SLC24A5: variants seen among roughly 807,000 people sequenced by gnomAD.
SLC24A5 encodes the protein solute carrier family 24 member 5.
In SLC24A5, 46 loss-of-function variants were observed where a neutral mutation model predicts 51.6. That is an observed-to-expected ratio of 0.89 (90% confidence interval 0.70 to 1.14). The LOEUF (loss-of-function observed/expected upper bound fraction) is 1.14, where lower values mean the gene tolerates loss of function less well. Among genes scored for constraint, SLC24A5 ranks in the 50% most tolerant of loss-of-function variants. The pLI is 0.00. For missense variants in SLC24A5, 581 were observed against 604.1 expected, an observed-to-expected ratio of 0.96 and a Z score of 0.40; for synonymous variants, 230 against 214.9, an observed-to-expected ratio of 1.07 and a Z score of -0.62.
chr15:48,134,499 CCTT>C lies in SLC24A5; in HGVS notation c.451_453del (p.Leu151del). On this transcript the variant is annotated inframe_deletion, in exon 4 of 9. Transcript: ENST00000341459. ...TCCTTGGATCTGCAATTTATAATCT[CCTT>C]GGCATCTGTGCTGCCTGTGGTTTGC... The C allele has an allele frequency of 6.2e-7, 1 of 1,613,494 alleles. No individual in the cohort carries two copies.
intron 2 of SLC24A5, chr15:48,122,544 A>C (rs1280977209): frequency 6.1e-6 from 1 of 164,312 alleles, no homozygotes; most frequent in East Asian, 1.7e-4. Flanking sequence ...TTTAAGAACC[A>C]ATAAACAGAT....
At chr15:48,126,988 C>A (rs560130125) in intron 2 of SLC24A5, among the ~76,000 whole-genome samples, 1 of 152,240 alleles carries the variant, frequency 6.6e-6, no homozygotes, top group South Asian at 2.1e-4. Flanking sequence ...AAGGACACAG[C>A]CGTCATATGC....
intron 2 of SLC24A5, among the ~76,000 whole-genome samples, chr15:48,125,108 A>T (rs1350418895): frequency 6.6e-6 from 1 of 152,126 alleles, no homozygotes; most frequent in East Asian, 1.9e-4. Flanking sequence ...CTTGATGAGC[A>T]TTGAGTCATA....
chr15:48,136,339 TCAC>T (rs1316356098), intron 5 of SLC24A5: 10 of 175,382 alleles, frequency 5.7e-5, no homozygotes, highest in Admixed American at 1.9e-4. Context: ...CAGAAAATGT[TCAC>T]CACTATTTAT....
intron 8 of SLC24A5, chr15:48,141,654 T>G (rs2039092066): frequency 6.0e-6 from 1 of 166,134 alleles, no homozygotes; most frequent in African/African-American, 2.4e-5. Context: ...AAAAAGTGAC[T>G]CCAGAGGAAA....
chr15:48,134,384 T>C, intron 3 of SLC24A5, 43 bp downstream of exon 3: 1 of 1,610,964 alleles, frequency 6.2e-7, no homozygotes, highest in South Asian at 1.1e-5. Flanking sequence ...CAGTGTGATT[T>C]TTATTTTCTT....
intron 2 of SLC24A5, among the ~76,000 whole-genome samples, chr15:48,127,816 C>A (rs903137440): frequency 6.6e-6 from 1 of 151,862 alleles, no homozygotes; most frequent in African/African-American, 2.4e-5. Context: ...GAGCAAGACT[C>A]CATCTCAAAA....
chr15:48,129,963 C>T (rs1000148716), intron 2 of SLC24A5, among the ~76,000 whole-genome samples: 11 of 152,026 alleles, frequency 7.2e-5, no homozygotes, highest in African/African-American at 2.2e-4. Context: ...AATATTCTTC[C>T]GACTATATCA....
intron 6 of SLC24A5, 170 bp from the exon 7 acceptor site, chr15:48,138,799 C>G: frequency 1.7e-6 from 1 of 582,940 alleles, no homozygotes; most frequent in East Asian, 2.8e-5. Context: ...CCTAAAGTTT[C>G]AATTAGTTTC....
At chr15:48,135,101 A>G (rs2038864350) in intron 5 of SLC24A5, 117 bp downstream of exon 5, 1 of 707,474 alleles carries the variant, frequency 1.4e-6, no homozygotes, top group Non-Finnish European at 2.4e-6. Flanking sequence ...TCTATACCAT[A>G]TTCCAACAGG....
Position 48,138,556 on chromosome 15 carries a change from T to C in SLC24A5, c.872-413T>C, listed in dbSNP as rs75179742. The C allele has an allele frequency of 3.5e-3, 560 of 159,130 alleles. 3 individuals carry two copies. Among genetic ancestry groups the C allele is most frequent in the African/African-American group, 0.013 (544 of 41,706 alleles). 9.9% of individuals were successfully genotyped at this position (159,130 alleles called of 1,614,324 possible). ...CTTTAAGTATACATTATCTGGTACA[T>C]AGGGCAGGCAGAGGCATCATCAATA... On this transcript the variant is annotated intron_variant, in intron 6 of 8. Coordinates refer to ENST00000341459, the MANE Select transcript of SLC24A5 (RefSeq NM_205850.3).
intron 5 of SLC24A5, chr15:48,136,013 G>T (rs2038889508): frequency 6.6e-6 from 1 of 152,140 alleles, no homozygotes; most frequent in South Asian, 2.1e-4. Flanking sequence ...AAAGGTAAAT[G>T]CAAGGTTCAA....
In SLC24A5 at chr15:48,121,140, G is replaced by A; in HGVS notation, c.96G>A (p.Leu32=). The A allele has an allele frequency of 6.2e-7, 1 of 1,613,444 alleles. No individual in the cohort carries two copies. Among genetic ancestry groups the A allele is most frequent in the South Asian group, 1.1e-5 (1 of 91,012 alleles). ...TAHLPLSGTS[L]PQRLPRATGN... is the part of the protein sequence containing the mutation. ...ATCTGCCTCTCTCAGGGACCTCCCTGCCCCAACGTCTCCCAAGGGCCACAG... is the reference window on the plus strand; with the variant it reads ...ATCTGCCTCTCTCAGGGACCTCCCTACCCCAACGTCTCCCAAGGGCCACAG... The change falls in exon 1 of 9, where the codon CTG becomes CTA. Residue 32 remains leucine, a synonymous_variant. Coordinates refer to ENST00000341459, the MANE Select transcript of SLC24A5 (RefSeq NM_205850.3).
At position 48,121,106 on chromosome 15, in the gene SLC24A5, C is replaced by T. The variant is rs765140324; in HGVS notation, c.62C>T (p.Ala21Val). 6.2e-7 allele frequency: 1 copy of T among 1,613,888 alleles called. No individual in the cohort carries two copies. The highest frequency in any genetic ancestry group is 8.5e-7 in the Non-Finnish European group (1 of 1,179,914). Residue 21 changes from alanine to valine, a missense_variant, in exon 1 of 9, where the codon GCC becomes GTC. Coordinates refer to ENST00000341459, the MANE Select transcript of SLC24A5 (RefSeq NM_205850.3). Reference protein sequence around the residue: ...RRALLLGILWATAHLPLSGTS... With the variant: ...RRALLLGILWVTAHLPLSGTS... Reference sequence around the variant, plus strand: ...GCTCTGTTGCTCGGCATCCTGTGGGCCACTGCACATCTGCCTCTCTCAGGG... The same window carrying T: ...GCTCTGTTGCTCGGCATCCTGTGGGTCACTGCACATCTGCCTCTCTCAGGG...
At chr15:48,141,926 GA>G in intron 8 of SLC24A5, 102 bp from the exon 9 acceptor site, 1 of 886,636 alleles carries the variant, frequency 1.1e-6, no homozygotes, top group Non-Finnish European at 1.6e-6. Flanking sequence ...TTTTCAAAAC[GA>G]ATCAACAACA....
At chr15:48,124,219 C>G (rs2038708502) in intron 2 of SLC24A5, 2 of 152,008 alleles carry the variant, frequency 1.3e-5, no homozygotes, top group South Asian at 4.1e-4. Flanking sequence ...TCACAACAAT[C>G]ATCATATTTT....
chr15:48,126,020 G>T (rs1306936405), intron 2 of SLC24A5, among the ~76,000 whole-genome samples: 1 of 152,186 alleles, frequency 6.6e-6, no homozygotes, highest in African/African-American at 2.4e-5. Context: ...AGCTGGAAGT[G>T]GAAGAGGGCA....
At chr15:48,138,522 T>G (rs568908811) in intron 6 of SLC24A5, 1 of 153,180 alleles carries the variant, frequency 6.5e-6, no homozygotes, top group South Asian at 2.0e-4. Flanking sequence ...GCTATGATTA[T>G]TTTATATTCT....
intron 2 of SLC24A5, among the ~76,000 whole-genome samples, chr15:48,127,451 T>C (rs1242063281): frequency 1.3e-5 from 2 of 152,206 alleles, no homozygotes; most frequent in Admixed American, 6.5e-5. Flanking sequence ...AGGTAGGAAG[T>C]AAGCTTATTA....
Sources: gnomAD v4.1 joint callset for allele counts (sites outside exome capture counted in the v4.1 genomes callset) on GRCh38, gnomAD v4.1.1 for gene constraint, MANE v1.5 for transcripts, NCBI Gene and HGNC (gene_info 2026-07-23, HGNC 2026-07-21) for gene names.